The following DCX variants were observed in gnomAD, a reference collection of about 807,000 sequenced individuals.
DCX encodes doublecortin.
A neutral mutation model predicts 20.9 loss-of-function variants in DCX; 4 were observed. That is an observed-to-expected ratio of 0.19 (90% CI 0.09 to 0.44). DCX has a LOEUF of 0.44. Ranked by LOEUF, DCX falls within the 20% of genes least tolerant of loss-of-function variation. The probability of loss-of-function intolerance (pLI) is 0.99; values close to 1 mark genes in which losing one functional copy is unlikely to be tolerated. For missense variants in DCX, 133 were observed against 296.9 expected, an observed-to-expected ratio of 0.45 and a Z score of 4.06; for synonymous variants, 103 against 111.4, an observed-to-expected ratio of 0.92 and a Z score of 0.47.
chrX:111,325,695 T>C (rs1180183339), intron 5 of DCX, among the ~76,000 whole-genome samples: 3 of 112,265 alleles, frequency 2.7e-5, no homozygotes. Flanking sequence ...AGAACTGAGA[T>C]ACGTTGTAAG....
At chrX:111,374,864 A>G (rs777099163) in intron 3 of DCX, among the ~76,000 whole-genome samples, 3 of 107,693 alleles carry the variant, frequency 2.8e-5, no homozygotes, top group Non-Finnish European at 5.8e-5. Flanking sequence ...TGCTATTGTT[A>G]ACTTATAGGT....
At chrX:111,370,986 T>A (rs1925037013) in intron 3 of DCX, among the ~76,000 whole-genome samples, 1 of 111,928 alleles carries the variant, frequency 8.9e-6, no homozygotes, top group Non-Finnish European at 1.9e-5. Flanking sequence ...TACATAGCTA[T>A]CCCTCTAACC....
chrX:111,368,882 CG>C (rs1318008875), intron 3 of DCX, among the ~76,000 whole-genome samples: 2 of 97,971 alleles, frequency 2.0e-5, no homozygotes, highest in African/African-American at 9.3e-5. Flanking sequence ...AGAACTAATA[CG>C]GGATATATAT....
At chrX:111,408,340 C>T (rs1317771663) in intron 2 of DCX, among the ~76,000 whole-genome samples, 4 of 111,060 alleles carry the variant, frequency 3.6e-5, no homozygotes, top group East Asian at 2.8e-4. Flanking sequence ...AGAAAGATCT[C>T]GGCCAGGCAC....
intron 6 of DCX, among the ~76,000 whole-genome samples, chrX:111,307,416 T>C (rs922393470): frequency 9.0e-6 from 1 of 110,628 alleles, no homozygotes; most frequent in African/African-American, 3.3e-5. Flanking sequence ...AGTTGTTCGC[T>C]CTATTACTAT....
intron 3 of DCX, among the ~76,000 whole-genome samples, chrX:111,338,327 G>A (rs753812096): frequency 5.4e-5 from 6 of 111,966 alleles, no homozygotes; most frequent in South Asian, 3.8e-4. Context: ...GGGAAACACC[G>A]TGGCAAGGAA....
intron 3 of DCX, among the ~76,000 whole-genome samples, chrX:111,388,280 C>T (rs897306538): frequency 1.8e-5 from 2 of 111,701 alleles, no homozygotes; most frequent in Admixed American, 1.9e-4. Context: ...CCTGCCTTTA[C>T]CATGGGTGAA....
intron 5 of DCX, among the ~76,000 whole-genome samples, chrX:111,316,587 C>T (rs2095073010): frequency 9.0e-6 from 1 of 111,462 alleles, no homozygotes; most frequent in Non-Finnish European, 1.9e-5. Context: ...AGCAATCAGT[C>T]AAGACAAGTA....
rs867287420 is a variant in DCX at position 111,315,943 on chromosome X, G to A, written c.947-3207C>T. ...GGGGACTGTGGTGGGGTCGGGGGAG[G>A]GGGGAGGGATAGCATTGGGAGATAT... is the stretch of plus-strand genomic sequence containing the variant. On this transcript the variant is annotated intron_variant, in intron 5 of 6. Transcript: ENST00000636035. Among the ~76,000 whole-genome samples, 4 of 44,326 alleles carry A rather than the reference G, an allele frequency of 9.0e-5. No homozygotes were observed. The East Asian group carries it at 3.1e-3, about 34-fold the overall frequency. The allele number at this position is 44,326 out of a possible 115,157, so 38.5% of individuals were successfully genotyped here. A position where few individuals can be genotyped will look rare whatever the true frequency, so the allele number is the denominator to read the frequency against.
At position 111,349,249 on chromosome X, in the gene DCX, T is replaced by C. The variant is rs975689037; in HGVS notation, c.706-16096A>G. On this transcript the variant is annotated intron_variant, in intron 3 of 6. Coordinates refer to ENST00000636035, the MANE Select transcript of DCX (RefSeq NM_001195553.2). ...ATGAAACATTCCAGGTTGGACACAG[T>C]TAATGAGCAGTGACACCCGGGCCAG... Among the ~76,000 whole-genome samples, 4 of 111,647 alleles carry C rather than the reference T, an allele frequency of 3.6e-5. No individual in the cohort carries two copies. The Admixed American group carries it at 3.8e-4, about 11-fold the overall frequency.
chrX:111,396,980 C>A (rs1927367453), intron 3 of DCX, among the ~76,000 whole-genome samples: 1 of 111,328 alleles, frequency 9.0e-6, no homozygotes. Flanking sequence ...GGTCAGGAAA[C>A]CAAACTTCTA....
intron 6 of DCX, among the ~76,000 whole-genome samples, chrX:111,310,060 C>T (rs1031575814): frequency 3.6e-5 from 4 of 112,575 alleles, no homozygotes; most frequent in Non-Finnish European, 7.5e-5. Context: ...AGGCCCAGTG[C>T]GGTGGCTCAT....
At chrX:111,330,876 C>T (rs774115608) in intron 5 of DCX, 28 bp downstream of exon 5, 11 of 1,209,299 alleles carry the variant, frequency 9.1e-6, no homozygotes, top group Non-Finnish European at 1.1e-5. Context: ...ATGAAGTCAG[C>T]GTGCACAGTT....
At chrX:111,376,530 T>G (rs1167343569) in intron 3 of DCX, among the ~76,000 whole-genome samples, 2 of 111,987 alleles carry the variant, frequency 1.8e-5, no homozygotes, top group African/African-American at 6.5e-5. Flanking sequence ...CCACTGGGGC[T>G]TGCTGATCAG....
intron 3 of DCX, among the ~76,000 whole-genome samples, chrX:111,380,099 T>C (rs1186183068): frequency 9.0e-6 from 1 of 111,725 alleles, no homozygotes; most frequent in Non-Finnish European, 1.9e-5. Flanking sequence ...GTCAGACATA[T>C]GATTTTCAAA....
intron 5 of DCX, among the ~76,000 whole-genome samples, chrX:111,318,184 CA>C (rs1196651828): frequency 0.047 from 1,494 of 31,568 alleles, 19 homozygotes; most frequent in African/African-American, 0.14. Flanking sequence ...GACTCGGTCT[CA>C]AAAAAAAAAA....
At chrX:111,372,406 G>A (rs1334352878) in intron 3 of DCX, among the ~76,000 whole-genome samples, 3 of 111,889 alleles carry the variant, frequency 2.7e-5, no homozygotes, top group African/African-American at 9.7e-5. Flanking sequence ...CGAGAGAATG[G>A]GCAGGGCTGG....
intron 1 of DCX, chrX:111,411,222 C>G (rs1168375776): frequency 2.7e-6 from 1 of 369,152 alleles, no homozygotes. Flanking sequence ...TCCATTTGTT[C>G]ACAAAATCCT....
chrX:111,357,736 C>T (rs945244138), intron 3 of DCX, among the ~76,000 whole-genome samples: 2 of 109,463 alleles, frequency 1.8e-5, no homozygotes, highest in African/African-American at 3.3e-5. Flanking sequence ...GAGCCATGAT[C>T]GCACCGCTGT....
Sources: gnomAD v4.1 joint callset for allele counts (sites outside exome capture counted in the v4.1 genomes callset) on GRCh38, gnomAD v4.1.1 for gene constraint, MANE v1.5 for transcripts, NCBI Gene and HGNC (gene_info 2026-07-23, HGNC 2026-07-21) for gene names.